Variants in ATXN7 observed in about 807,000 individuals in gnomAD.
ATXN7 encodes the protein ataxin 7.
ATXN7 carries 12 observed loss-of-function variants against 70.5 expected under a neutral mutation model. That is an observed-to-expected ratio of 0.17 (90% CI 0.11 to 0.28). The LOEUF (loss-of-function observed/expected upper bound fraction) is 0.28, where lower values mean the gene tolerates loss of function less well. Among genes scored for constraint, ATXN7 ranks in the 10% least tolerant of loss-of-function variants. The pLI is 1.00. For synonymous variants in ATXN7, 498 were observed against 448.7 expected (o/e 1.11, Z -1.39); for missense variants, 1,256 against 1,131.7 (o/e 1.11, Z -1.58).
chr3:63,913,333 G>C (rs1270396040), intron 4 of ATXN7, 108 bp downstream of exon 4: 2 of 1,189,430 alleles, frequency 1.7e-6, no homozygotes, highest in Non-Finnish European at 2.4e-6. Context: ...CCGACTCCCC[G>C]TGCCTGCGAA....
At chr3:63,960,174 G>A (rs1351599583) in intron 5 of ATXN7, among the ~76,000 whole-genome samples, 2 of 152,206 alleles carry the variant, frequency 1.3e-5, no homozygotes, top group Admixed American at 1.3e-4. Flanking sequence ...TGAAGATGTA[G>A]AGGACAAGTG....
chr3:63,929,484 G>A (rs1427252640), intron 4 of ATXN7, among the ~76,000 whole-genome samples: 1 of 152,136 alleles, frequency 6.6e-6, no homozygotes, highest in African/African-American at 2.4e-5. Context: ...TGTTGGCCAC[G>A]ATGGTCTCGA....
At chr3:63,997,888 C>T in intron 12 of ATXN7, 1 of 985,378 alleles carries the variant, frequency 1.0e-6, no homozygotes, top group Non-Finnish European at 1.2e-6. Context: ...ATTTAACTAG[C>T]TGCATGCATT....
upstream of ATXN7, chr3:63,863,746 G>A (rs995798591): frequency 5.8e-5 from 72 of 1,250,098 alleles, no homozygotes; most frequent in African/African-American, 1.0e-3. Flanking sequence ...TGCAGCGGGC[G>A]CGTGTGGCGG....
chr3:63,904,664 T>G (rs1430419518), intron 2 of ATXN7: 1 of 152,238 alleles, frequency 6.6e-6, no homozygotes, highest in Non-Finnish European at 1.5e-5. Context: ...TGTTTCCACC[T>G]TTTGGCTTTT....
intron 5 of ATXN7, among the ~76,000 whole-genome samples, chr3:63,967,483 C>T (rs1309877124): frequency 6.6e-6 from 1 of 151,912 alleles, no homozygotes; most frequent in Non-Finnish European, 1.5e-5. Flanking sequence ...ACTTTAAGAC[C>T]TTTAGGTCTA....
intron 9 of ATXN7, among the ~76,000 whole-genome samples, chr3:63,988,919 A>AGTAAAGACT (rs1208792245): frequency 2.6e-5 from 4 of 152,194 alleles, no homozygotes; most frequent in Admixed American, 6.6e-5. Flanking sequence ...ACCAAGTTGA[A>AGTAAAGACT]GTAAAGACTG....
intron 5 of ATXN7, among the ~76,000 whole-genome samples, chr3:63,954,587 G>T (rs1333803711): frequency 1.3e-5 from 2 of 152,042 alleles, no homozygotes. Context: ...GATTCCTTAG[G>T]CAGAAAGAAG....
intron 1 of ATXN7, among the ~76,000 whole-genome samples, chr3:63,887,089 A>G (rs1703110630): frequency 6.6e-6 from 1 of 152,232 alleles, no homozygotes; most frequent in Non-Finnish European, 1.5e-5. Flanking sequence ...GAAAGGAGCG[A>G]ACAGGAAGGT....
At chr3:63,967,953 G>T (rs1270028533) in intron 5 of ATXN7, 8 of 1,535,754 alleles carry the variant, frequency 5.2e-6, no homozygotes, top group African/African-American at 1.4e-5. Context: ...GCCCTTCTGC[G>T]CAGGAGCTGA....
At position 63,995,951 on chromosome 3, in the gene ATXN7, G is replaced by A; in HGVS notation, c.2129G>A (p.Ser710Asn). 1 of 1,614,134 alleles carries A rather than the reference G, an allele frequency of 6.2e-7. No individual in the cohort carries two copies. Among genetic ancestry groups the A allele is most frequent in the Non-Finnish European group, 8.5e-7 (1 of 1,180,022 alleles). The stretch of plus-strand genomic sequence containing the variant: ...GGCTCAGGAAAGAAACGCAAAAACA[G>A]TTCCCCACTGTTGGTTCACTCTTCC... The part of the protein sequence containing the change: ...SGGSGKKRKN[S>N]SPLLVHSSSS... Residue 710 changes from serine (S) to asparagine (N), a missense_variant, in exon 12 of 13, where the codon AGT becomes AAT. Transcript: ENST00000674280.
rs1446867552 is a variant in ATXN7, at chr3:63,999,981, A to G, written c.*514A>G. ...GAGAACACAGGGCTGCATCCCGAGC[A>G]ACCCTCTGAAGAAGGGAATTAGGCT... On this transcript the variant is annotated 3_prime_UTR_variant, in exon 13 of 13. Transcript: ENST00000674280. 2 of 160,350 alleles carry G rather than the reference A, an allele frequency of 1.2e-5. No individual in the cohort carries two copies. The highest frequency in any genetic ancestry group is 4.8e-5 in the African/African-American group (2 of 41,652). The allele number at this position is 160,350 out of a possible 1,614,324, so 9.9% of individuals were successfully genotyped here. A position where few individuals can be genotyped will look rare whatever the true frequency, so the allele number is the denominator to read the frequency against.
At chr3:63,963,447 G>T (rs1420324840) in intron 5 of ATXN7, among the ~76,000 whole-genome samples, 2 of 151,996 alleles carry the variant, frequency 1.3e-5, no homozygotes, top group African/African-American at 4.8e-5. Context: ...TCTAACTGTA[G>T]CAGTCCATGC....
At chr3:63,863,664 G>A (rs1283899622), upstream of ATXN7, 3 of 1,227,268 alleles carry the variant, frequency 2.4e-6, no homozygotes, top group Non-Finnish European at 2.0e-6. Flanking sequence ...CTGGCGAAGA[G>A]GCCGGGGAGG....
rs796303148 is a variant in ATXN7 at position 63,937,220 on chromosome 3, A to G, written c.395-15159A>G. ...CTGTTTTTCAGAAATGAGGGAAGACAGAAATATGTTAACAAAAATAAAATA... is the reference window on the plus strand; with the variant it reads ...CTGTTTTTCAGAAATGAGGGAAGACGGAAATATGTTAACAAAAATAAAATA... On this transcript the variant is annotated intron_variant, in intron 4 of 12. Coordinates refer to ENST00000674280, the MANE Select transcript of ATXN7 (RefSeq NM_001377405.1). 1.2e-4 allele frequency among the ~76,000 whole-genome samples: 18 copies of G among 152,346 alleles called. 1 individual carries two copies. Among genetic ancestry groups the G allele is most frequent in the African/African-American group, 4.1e-4 (17 of 41,580 alleles).
intron 1 of ATXN7, among the ~76,000 whole-genome samples, chr3:63,876,760 A>G (rs954650575): frequency 6.6e-6 from 1 of 152,214 alleles, no homozygotes. Flanking sequence ...TCTGGTATCA[A>G]GTATTAATCA....
At chr3:63,978,818 G>C (rs1309151577) in intron 5 of ATXN7, among the ~76,000 whole-genome samples, 2 of 152,152 alleles carry the variant, frequency 1.3e-5, no homozygotes, top group African/African-American at 4.8e-5. Flanking sequence ...AGTCACCACA[G>C]TTTTACCAAG....
chr3:63,896,096 G>A (rs1479628347), intron 1 of ATXN7, among the ~76,000 whole-genome samples: 1 of 152,012 alleles, frequency 6.6e-6, no homozygotes, highest in African/African-American at 2.4e-5. Flanking sequence ...GTACAAGTAT[G>A]ACTTGGCATG....
At chr3:63,957,498 C>T (rs1194582284) in intron 5 of ATXN7, among the ~76,000 whole-genome samples, 3 of 152,112 alleles carry the variant, frequency 2.0e-5, no homozygotes. Context: ...AATCAATTTA[C>T]AAGGAAAATC....
Sources: allele counts gnomAD v4.1 joint callset (sites outside exome capture counted in the v4.1 genomes callset), GRCh38; gene constraint gnomAD v4.1.1; transcripts MANE v1.5; gene names NCBI Gene and HGNC (gene_info 2026-07-23, HGNC 2026-07-21).